ELP2: variants seen among roughly 807,000 people sequenced by gnomAD.
ELP2 encodes the protein elongator acetyltransferase complex subunit 2, also known as elongator complex protein 2.
Under a neutral mutation model 119.2 loss-of-function variants are expected in ELP2, and 90 were observed. The observed-to-expected ratio is 0.75, with a 90% CI of 0.64 to 0.90. The LOEUF is 0.90. ELP2 is among the 40% of genes least tolerant of loss of function. The pLI, the probability that ELP2 is intolerant of heterozygous loss-of-function variation, is 0.00. For synonymous variants in ELP2, 339 were observed against 331.0 expected (o/e 1.02, Z -0.26); for missense variants, 921 against 967.8 (o/e 0.95, Z 0.64).
chr18:36,159,965 C>T lies in ELP2; in HGVS notation c.1638C>T (p.Pro546=), dbSNP rs1183519277. The T allele has an allele frequency of 6.2e-7, 1 of 1,614,072 alleles. No individual in the cohort carries two copies. Among genetic ancestry groups the T allele is most frequent in the Admixed American group, 1.7e-5 (1 of 60,008 alleles). Residue 546 remains proline (P), a synonymous_variant, in exon 16 of 22, where the codon CCC becomes CCT. Transcript: ENST00000358232. ...AFQPSILTEP[P]TEDHLLQNTL... Reference sequence around the variant, plus strand: ...AGCTTCAATTTATTCTAGAGCCTCCCACTGAGGATCATCTTCTGCAGAATA... The same window carrying T: ...AGCTTCAATTTATTCTAGAGCCTCCTACTGAGGATCATCTTCTGCAGAATA...
chr18:36,138,737 C>A, intron 4 of ELP2, 58 bp from the exon 5 acceptor site: 1 of 1,385,664 alleles, frequency 7.2e-7, no homozygotes, highest in Non-Finnish European at 1.0e-6. Context: ...TCCAACCTGT[C>A]TAGTTGGATA....
At chr18:36,146,859 C>T (rs868552451) in intron 11 of ELP2, among the ~76,000 whole-genome samples, 7 of 152,078 alleles carry the variant, frequency 4.6e-5, no homozygotes, top group Admixed American at 3.9e-4. Flanking sequence ...TAGTCTTCTC[C>T]CTTTAGTCAT....
chr18:36,144,834 G>C lies in ELP2; in HGVS notation c.797-105G>C. 9 of 891,754 alleles carry C rather than the reference G, an allele frequency of 1.0e-5. No homozygotes were observed. The South Asian group carries it at 1.3e-4, about 13-fold the overall frequency. 55.2% of individuals were successfully genotyped at this position (891,754 alleles called of 1,614,324 possible). On this transcript the variant is annotated intron_variant, in intron 8 of 21. Coordinates refer to ENST00000358232, the MANE Select transcript of ELP2 (RefSeq NM_018255.4). ...TTTTGAATCCCAACTATCATATTTT[G>C]TCCTAATTTTTTTTTCTTACATAAT...
chr18:36,157,410 G>C (rs909654903), intron 13 of ELP2, among the ~76,000 whole-genome samples: 2 of 152,098 alleles, frequency 1.3e-5, no homozygotes, highest in Non-Finnish European at 2.9e-5. Flanking sequence ...AGAGCAAAGG[G>C]AAGAGAGAGA....
intron 21 of ELP2, among the ~76,000 whole-genome samples, chr18:36,172,069 ATGGTCTCTACCAGTGAGACCCC>A (rs148277082): frequency 0.056 from 8,547 of 152,104 alleles, 304 homozygotes; most frequent in East Asian, 0.097. Context: ...GTGTTGGCTC[ATGGTCTCTACCAGTGAGACCCC>A]TGGTCTCTAC....
intron 8 of ELP2, among the ~76,000 whole-genome samples, chr18:36,143,187 CCAGGTTCAAGTGATTCTCCTGCCT>C (rs1383041545): frequency 6.1e-4 from 93 of 152,026 alleles, no homozygotes; most frequent in African/African-American, 1.4e-3. Context: ...CCTCCGTCTC[CCAGGTTCAAGTGATTCTCCTGCCT>C]CAGGTTCAAG....
At chr18:36,138,703 C>T in intron 4 of ELP2, 92 bp from the exon 5 acceptor site, 1 of 1,100,202 alleles carries the variant, frequency 9.1e-7, no homozygotes, top group Non-Finnish European at 1.4e-6. Flanking sequence ...CTCCCTTCTG[C>T]TACCTGGGGC....
chr18:36,168,547 G>C (rs547157113), intron 19 of ELP2, among the ~76,000 whole-genome samples: 1 of 152,180 alleles, frequency 6.6e-6, no homozygotes, highest in South Asian at 2.1e-4. Context: ...AGCAAAAGGG[G>C]GAAGCCTCTT....
In ELP2 at chr18:36,138,304, G is replaced by A; in HGVS notation, c.323G>A (p.Gly108Glu). ...GCAGTGCATCTTCAAGGCCATGAAG[G>A]ACCTGTTTATGCGGTGCATGCTGTT... ...LKAVHLQGHE[G>E]PVYAVHAVYQ... is the part of the protein sequence containing the mutation. Residue 108 changes from glycine (G) to glutamate (E), a missense_variant, in exon 4 of 22, where the codon GGA (glycine) becomes GAA (glutamate). By Grantham distance (98) the Gly-to-Glu change is moderately conservative (BLOSUM62 -2). Transcript: ENST00000358232. The A allele has an allele frequency of 2.5e-6, 4 of 1,614,060 alleles. No homozygotes were observed. The East Asian group carries it at 6.7e-5, about 27-fold the overall frequency.
At chr18:36,160,065 G>T in intron 16 of ELP2, 50 bp downstream of exon 16, 1 of 1,578,600 alleles carries the variant, frequency 6.3e-7, no homozygotes, top group South Asian at 1.1e-5. Context: ...CGTAACTTCT[G>T]ACTTTTCCTC....
rs762249501 is a variant in ELP2, at chr18:36,138,906, A to G, written c.523+34A>G. On this transcript the variant is annotated intron_variant, in intron 5 of 21. Transcript: ENST00000358232. The stretch of plus-strand genomic sequence containing the variant: ...CCTGTTAAGTATATGTTAAAAGGGC[A>G]GTATATTTGCATACTGTCATATGAT... The G allele has an allele frequency of 5.4e-6, 8 of 1,486,318 alleles. No homozygotes were observed. The East Asian group carries it at 1.4e-4, about 25-fold the overall frequency. 92.1% of individuals were successfully genotyped at this position (1,486,318 alleles called of 1,614,324 possible).
chr18:36,139,572 A>C, intron 5 of ELP2: 1 of 1,535,396 alleles, frequency 6.5e-7, no homozygotes, highest in Non-Finnish European at 8.7e-7. Flanking sequence ...ACATTCTGGC[A>C]TCATAACAGA....
intron 15 of ELP2, 35 bp downstream of exon 15, chr18:36,159,865 A>G (rs2090680166): frequency 2.5e-6 from 4 of 1,606,854 alleles, no homozygotes; most frequent in Non-Finnish European, 2.6e-6. Flanking sequence ...ATAAATCGCT[A>G]GAACACACAG....
At chr18:36,173,041 G>C (rs568704664) in intron 21 of ELP2, among the ~76,000 whole-genome samples, 1 of 152,112 alleles carries the variant, frequency 6.6e-6, no homozygotes, top group East Asian at 1.9e-4. Context: ...TCTTAAATAT[G>C]ACATGTTAAT....
chr18:36,166,478 CTG>C (rs2090911669), intron 18 of ELP2, among the ~76,000 whole-genome samples: 1 of 151,506 alleles, frequency 6.6e-6, no homozygotes, highest in Non-Finnish European at 1.5e-5. Context: ...TTAAAGGCAC[CTG>C]CTACCACACC....
Position 36,171,122 on chromosome 18 carries a change from A to T in ELP2, c.2286A>T (p.Glu762Asp). The T allele has an allele frequency of 6.2e-7, 1 of 1,613,930 alleles. No homozygotes were observed. ...GGAAAAAGACTGATCAAGTTCCAGA[A>T]ATAAATGACTGGACCCACTGTGTAG... ...YTWKKTDQVP[E>D]INDWTHCVET... Residue 762 changes from glutamate (E) to aspartate (D), a missense_variant, in exon 21 of 22, where the codon GAA becomes GAT. Transcript: ENST00000358232.
intron 11 of ELP2, among the ~76,000 whole-genome samples, chr18:36,148,669 G>GGC (rs1474055275): frequency 6.6e-6 from 1 of 152,116 alleles, no homozygotes; most frequent in Admixed American, 6.5e-5. Context: ...GGCCAGCCTG[G>GGC]GCAACATAGG....
rs746926077 is a variant in ELP2, at chr18:36,146,322, A to G, written c.1066A>G (p.Ile356Val). Reference protein sequence around the residue: ...DCQFNEDGSMIIAHAFHGALH... With the variant: ...DCQFNEDGSMVIAHAFHGALH... ...CCAGTTCAATGAAGATGGCTCCATG[A>G]TCATTGCTCATGCTTTCCACGGAGC... The change falls in exon 11 of 22, where the codon ATC becomes GTC. Residue 356 changes from isoleucine to valine, a missense_variant. Physicochemically the swap from Ile to Val is conservative, Grantham distance 29 (BLOSUM62 3). Transcript: ENST00000358232. The G allele has an allele frequency of 3.1e-6, 5 of 1,614,068 alleles. No individual in the cohort carries two copies. Among genetic ancestry groups the G allele is most frequent in the East Asian group, 4.5e-5 (2 of 44,874 alleles).
chr18:36,147,848 AAC>A (rs2144665191), intron 11 of ELP2, among the ~76,000 whole-genome samples: 1 of 152,224 alleles, frequency 6.6e-6, no homozygotes, highest in African/African-American at 2.4e-5. Context: ...GTTTTTTATT[AAC>A]ACTTACTTTT....
Sources: allele counts gnomAD v4.1 joint callset (sites outside exome capture counted in the v4.1 genomes callset), GRCh38; gene constraint gnomAD v4.1.1; transcripts MANE v1.5; gene names NCBI Gene and HGNC (gene_info 2026-07-23, HGNC 2026-07-21).